The following CHMP5 variants were observed in gnomAD, a reference collection of about 807,000 sequenced individuals.
The protein encoded by CHMP5 is SNF7 domain containing 2.
In CHMP5, 17 loss-of-function variants were observed where a neutral mutation model predicts 33.0. That is an observed-to-expected ratio of 0.52 (90% CI 0.35 to 0.77). CHMP5 has a LOEUF of 0.77. CHMP5 is among the 30% of genes least tolerant of loss of function. The probability of loss-of-function intolerance (pLI) is 0.01; values close to 1 mark genes in which losing one functional copy is unlikely to be tolerated. For missense variants in CHMP5, 216 were observed against 261.5 expected, an observed-to-expected ratio of 0.83 and a Z score of 1.20; for synonymous variants, 76 against 90.2, an observed-to-expected ratio of 0.84 and a Z score of 0.89.
chr9:33,277,924 G>T, intron 6 of CHMP5, 189 bp from the exon 7 acceptor site: 1 of 480,888 alleles, frequency 2.1e-6, no homozygotes, highest in Admixed American at 3.3e-5. Context: ...CATTCCTCTT[G>T]GCCACTTCCA....
chr9:33,281,123 T>C lies in CHMP5; in HGVS notation c.*264T>C. On this transcript the variant is annotated 3_prime_UTR_variant, in exon 8 of 8. Coordinates refer to ENST00000223500, the MANE Select transcript of CHMP5 (RefSeq NM_016410.6). ...TTTAGCTCGTATGACTTGTTTTCAT[T>C]CATTAATAATAATTTGAAATAAAAC... The C allele has an allele frequency of 2.7e-6, 1 of 364,812 alleles. No individual in the cohort carries two copies. Among genetic ancestry groups the C allele is most frequent in the Non-Finnish European group, 4.9e-6 (1 of 204,826 alleles). The allele number at this position is 364,812 out of a possible 1,614,324, so 22.6% of individuals were successfully genotyped here. A position where few individuals can be genotyped will look rare whatever the true frequency, so the allele number is the denominator to read the frequency against.
At chr9:33,271,340 C>A in intron 5 of CHMP5, 117 bp downstream of exon 5, 1 of 799,988 alleles carries the variant, frequency 1.3e-6, no homozygotes, top group Non-Finnish European at 2.1e-6. Context: ...CTGCCATTTA[C>A]TAGTAGAGTA....
chr9:33,270,595 T>C lies in CHMP5; in HGVS notation c.222-28T>C, dbSNP rs753833856. The C allele has an allele frequency of 2.9e-5, 44 of 1,527,242 alleles. No individual in the cohort carries two copies. In the South Asian group the frequency reaches 4.2e-4, roughly 14 times the overall value. The allele number at this position is 1,527,242 out of a possible 1,614,324, so 94.6% of individuals were successfully genotyped here. A position where few individuals can be genotyped will look rare whatever the true frequency, so the allele number is the denominator to read the frequency against. ...TGAGGATTTCTATCTGGTTCATATA[T>C]TTGCCATTCTCAATTGACTCTAAAA... On this transcript the variant is annotated intron_variant, in intron 3 of 7. Coordinates refer to ENST00000223500, the MANE Select transcript of CHMP5 (RefSeq NM_016410.6).
intron 6 of CHMP5, 48 bp downstream of exon 6, chr9:33,276,612 CA>C: frequency 1.0e-6 from 1 of 988,466 alleles, no homozygotes; most frequent in Non-Finnish European, 1.6e-6. Flanking sequence ...AGTCCAAAAG[CA>C]ACAGCTGCCT....
At chr9:33,267,150 A>C (rs752850221) in intron 2 of CHMP5, among the ~76,000 whole-genome samples, 4 of 152,252 alleles carry the variant, frequency 2.6e-5, no homozygotes, top group Non-Finnish European at 5.9e-5. Flanking sequence ...TGAAGTAATA[A>C]TACCTGTTTT....
At chr9:33,273,180 C>G (rs1319658004) in intron 5 of CHMP5, among the ~76,000 whole-genome samples, 2 of 152,254 alleles carry the variant, frequency 1.3e-5, no homozygotes, top group African/African-American at 4.8e-5. Flanking sequence ...CCATGTTGGC[C>G]AGGCTAGTCT....
chr9:33,265,063 T>C lies in CHMP5; in HGVS notation c.-16T>C. The C allele has an allele frequency of 1.2e-6, 2 of 1,614,244 alleles. No homozygotes were observed. The highest frequency in any genetic ancestry group is 1.6e-4 in the Middle Eastern group (1 of 6,062). Reference sequence around the variant, plus strand: ...GGTTTTGCTCTAGTGTTTGGGTTTCTTCGCGGCTGCTCAAGATGAACCGAC... The same window carrying C: ...GGTTTTGCTCTAGTGTTTGGGTTTCCTCGCGGCTGCTCAAGATGAACCGAC... On this transcript the variant is annotated 5_prime_UTR_variant, in exon 1 of 8. Coordinates refer to ENST00000223500, the MANE Select transcript of CHMP5 (RefSeq NM_016410.6).
intron 5 of CHMP5, among the ~76,000 whole-genome samples, chr9:33,274,835 C>T (rs574633456): frequency 3.9e-5 from 6 of 152,214 alleles, no homozygotes; most frequent in South Asian, 2.1e-4. Context: ...AGACTGGTTG[C>T]GAACTCCTGA....
chr9:33,276,407 A>C, intron 5 of CHMP5, 49 bp from the exon 6 acceptor site: 1 of 1,077,616 alleles, frequency 9.3e-7, no homozygotes, highest in East Asian at 2.4e-5. Flanking sequence ...AAGGGTAGTT[A>C]AAAGAAAATG....
At chr9:33,265,898 C>T in intron 1 of CHMP5, 112 bp from the exon 2 acceptor site, 1 of 612,420 alleles carries the variant, frequency 1.6e-6, no homozygotes, top group Non-Finnish European at 2.9e-6. Flanking sequence ...CTGTTTTTCA[C>T]CCTTCCCCTT....
In CHMP5 at chr9:33,278,163, T is replaced by G; in HGVS notation, c.547T>G (p.Leu183Val). The G allele has an allele frequency of 6.2e-7, 1 of 1,613,602 alleles. No homozygotes were observed. Among genetic ancestry groups the G allele is most frequent in the Non-Finnish European group, 8.5e-7 (1 of 1,179,726 alleles). Residue 183 changes from leucine to valine, a missense_variant, in exon 7 of 8, where the codon TTG (leucine) becomes GTG (valine). Coordinates refer to ENST00000223500, the MANE Select transcript of CHMP5 (RefSeq NM_016410.6). ...ELLADEDSSY[L>V]DEAASAPAIP... ...TCTGGCTGATGAAGACAGTTCTTAT[T>G]TGGATGAGGCAGCATCTGCACCTGC...
intron 5 of CHMP5, among the ~76,000 whole-genome samples, chr9:33,273,701 A>G (rs1391453380): frequency 6.8e-6 from 1 of 147,834 alleles, no homozygotes; most frequent in Non-Finnish European, 1.5e-5. Flanking sequence ...CACTTTGTCA[A>G]TGTTCTTTTT....
chr9:33,273,836 A>G (rs1174607295), intron 5 of CHMP5, among the ~76,000 whole-genome samples: 1 of 151,768 alleles, frequency 6.6e-6, no homozygotes, highest in African/African-American at 2.4e-5. Context: ...CTATTCATAG[A>G]TGATCCGGGA....
chr9:33,278,002 C>G (rs762200028), intron 6 of CHMP5, 111 bp from the exon 7 acceptor site: 16 of 674,192 alleles, frequency 2.4e-5, no homozygotes, highest in Non-Finnish European at 3.7e-5. Context: ...ATACAACAAT[C>G]TCATGCCCTC....
Position 33,276,568 on chromosome 9 carries a change from A to G in CHMP5, c.496+4A>G. ...GATGAAGATGATTTAGAAGCAGGTAAGTTATGAGAAAAGTAATGTATATTT... is the reference window on the plus strand; with the variant it reads ...GATGAAGATGATTTAGAAGCAGGTAGGTTATGAGAAAAGTAATGTATATTT... On this transcript the variant is annotated splice_donor_region_variant and intron_variant, in intron 6 of 7. Transcript: ENST00000223500. The G allele has an allele frequency of 2.6e-6, 4 of 1,534,016 alleles. No individual in the cohort carries two copies. The highest frequency in any genetic ancestry group is 3.6e-6 in the Non-Finnish European group (4 of 1,109,156).
At position 33,281,027 on chromosome 9, in the gene CHMP5, G is replaced by A. The variant is rs1327371565; in HGVS notation, c.*168G>A. 2.2e-6 allele frequency: 1 copy of A among 453,724 alleles called. No individual in the cohort carries two copies. The highest frequency in any genetic ancestry group is 2.0e-5 in the African/African-American group (1 of 49,374). The allele number at this position is 453,724 out of a possible 1,614,324, so 28.1% of individuals were successfully genotyped here. On this transcript the variant is annotated 3_prime_UTR_variant, in exon 8 of 8. Transcript: ENST00000223500. ...TTCCATTAAGAGACTCATTGCTTGG[G>A]AAATGCTTTCTTCGTACTAAAATTT...
At chr9:33,280,291 A>G (rs1017328828) in intron 7 of CHMP5, among the ~76,000 whole-genome samples, 2 of 152,146 alleles carry the variant, frequency 1.3e-5, no homozygotes, top group African/African-American at 4.8e-5. Context: ...GTTGTTTTTA[A>G]AGTAAAGGAA....
chr9:33,265,168 A>T, intron 1 of CHMP5, 21 bp downstream of exon 1: 1 of 1,612,848 alleles, frequency 6.2e-7, no homozygotes, highest in Admixed American at 1.7e-5. Flanking sequence ...GATCATGCAT[A>T]AGTAGGCTCA....
rs1564084734 is a variant in CHMP5 at position 33,266,003 on chromosome 9, C to A, written c.70-7C>A. 1 of 1,593,442 alleles carries A rather than the reference C, an allele frequency of 6.3e-7. No individual in the cohort carries two copies. Among genetic ancestry groups the A allele is most frequent in the East Asian group, 2.2e-5 (1 of 44,696 alleles). On this transcript the variant is annotated splice_region_variant and splice_polypyrimidine_tract_variant and intron_variant, in intron 1 of 7. Coordinates refer to ENST00000223500, the MANE Select transcript of CHMP5 (RefSeq NM_016410.6). ...AACTACCAGTGCATTTGATATTTTC[C>A]CCTAAGGTGGACAGTAGAGCAGAAT...
Sources: gnomAD v4.1 joint callset for allele counts (sites outside exome capture counted in the v4.1 genomes callset) on GRCh38, gnomAD v4.1.1 for gene constraint, MANE v1.5 for transcripts, NCBI Gene and HGNC (gene_info 2026-07-23, HGNC 2026-07-21) for gene names.